NLRP5: variants seen among roughly 807,000 people sequenced by gnomAD.
The protein encoded by NLRP5 is NLR family pyrin domain containing 5.
Under a neutral mutation model 113.1 loss-of-function variants are expected in NLRP5, and 93 were observed. That is an observed-to-expected ratio of 0.82 (90% CI 0.70 to 0.98). The LOEUF is 0.98. Ranked by LOEUF, NLRP5 falls within the 50% of genes least tolerant of loss-of-function variation. The pLI is 0.00. For missense variants in NLRP5, 1,808 were observed against 1,514.3 expected (o/e 1.19, Z -3.22); for synonymous variants, 751 against 600.7 (o/e 1.25, Z -3.66).
chr19:55,995,405 TA>T (rs1981293298), upstream of NLRP5, among the ~76,000 whole-genome samples: 1 of 152,158 alleles, frequency 6.6e-6, no homozygotes. Context: ...AAAAATACAT[TA>T]AAAAAGAAAG....
intron 1 of NLRP5, among the ~76,000 whole-genome samples, chr19:56,001,952 A>C (rs1030567049): frequency 5.3e-4 from 81 of 152,312 alleles, no homozygotes; most frequent in African/African-American, 1.8e-3. Flanking sequence ...GGCTGTCACT[A>C]TTTATAGGGC....
chr19:56,044,490 G>A (rs765246718), intron 11 of NLRP5, among the ~76,000 whole-genome samples: 8 of 152,126 alleles, frequency 5.3e-5, no homozygotes, highest in African/African-American at 1.4e-4. Flanking sequence ...CTCCACTTTA[G>A]GTTTTTGTTT....
At position 56,035,945 on chromosome 19, in the gene NLRP5, G is replaced by A. The variant is rs371464974; in HGVS notation, c.2616-2080G>A. ...GATTCTGCGTATAGTACATGTTCCA[G>A]GGATGTGCTGATGAATGAAACGAGA... On this transcript the variant is annotated intron_variant, in intron 9 of 14. Transcript: ENST00000390649. 4.2e-4 allele frequency among the ~76,000 whole-genome samples: 64 copies of A among 152,150 alleles called. No homozygotes were observed. In the East Asian group the frequency reaches 0.011, roughly 25 times the overall value.
intron 9 of NLRP5, among the ~76,000 whole-genome samples, chr19:56,034,663 G>A (rs574342): frequency 0.099 from 15,045 of 152,104 alleles, 984 homozygotes; most frequent in Non-Finnish European, 0.14. Flanking sequence ...AAGTGAAATC[G>A]GTGTGGTACA....
At chr19:56,054,893 C>T (rs1984072077) in intron 13 of NLRP5, among the ~76,000 whole-genome samples, 1 of 151,664 alleles carries the variant, frequency 6.6e-6, no homozygotes, top group African/African-American at 2.4e-5. Context: ...TGACCATGCA[C>T]TAGTCTTGTA....
chr19:56,037,993 C>G (rs1385596254), intron 9 of NLRP5, 32 bp from the exon 10 acceptor site: 1 of 1,611,686 alleles, frequency 6.2e-7, no homozygotes. Flanking sequence ...TGGACAAGAG[C>G]TGGGATTGCT....
At chr19:56,019,757 C>T (rs2123292413) in intron 5 of NLRP5, among the ~76,000 whole-genome samples, 2 of 152,078 alleles carry the variant, frequency 1.3e-5, no homozygotes, top group South Asian at 4.1e-4. Context: ...TTCCTTCTAT[C>T]AACTAATATG....
intron 9 of NLRP5, among the ~76,000 whole-genome samples, chr19:56,036,551 C>T (rs140387852): frequency 1.8e-3 from 268 of 152,334 alleles, no homozygotes; most frequent in Admixed American, 4.3e-3. Flanking sequence ...TTCCTGCTCT[C>T]ATGGTGCTCA....
intron 3 of NLRP5, among the ~76,000 whole-genome samples, chr19:56,013,023 C>T (rs1982259075): frequency 6.6e-6 from 1 of 152,094 alleles, no homozygotes; most frequent in Admixed American, 6.6e-5. Context: ...ATTTTCATCA[C>T]CCCAGAAAAC....
intron 11 of NLRP5, among the ~76,000 whole-genome samples, chr19:56,046,539 A>G (rs550169807): frequency 6.8e-6 from 1 of 146,276 alleles, no homozygotes; most frequent in East Asian, 2.0e-4. Flanking sequence ...GATTGGTACC[A>G]CTTCTTGTTT....
chr19:56,050,703 G>C (rs1047365035), intron 12 of NLRP5, 115 bp downstream of exon 12: 1 of 996,446 alleles, frequency 1.0e-6, no homozygotes, highest in Non-Finnish European at 1.5e-6. Flanking sequence ...AGGGTGAGCT[G>C]ACACTCATTT....
At chr19:56,014,089 A>G (rs948405365) in intron 3 of NLRP5, among the ~76,000 whole-genome samples, 1 of 152,120 alleles carries the variant, frequency 6.6e-6, no homozygotes, top group African/African-American at 2.4e-5. Flanking sequence ...GTCTTTTCAC[A>G]TTGCTGATAC....
At chr19:56,028,872 C>G (rs1310637773) in intron 7 of NLRP5, among the ~76,000 whole-genome samples, 1 of 152,172 alleles carries the variant, frequency 6.6e-6, no homozygotes, top group East Asian at 1.9e-4. Context: ...TCAAGAGATT[C>G]TCCTGCCTCA....
At chr19:56,054,717 AAGT>A (rs1984065683) in intron 13 of NLRP5, among the ~76,000 whole-genome samples, 1 of 152,110 alleles carries the variant, frequency 6.6e-6, no homozygotes, top group Non-Finnish European at 1.5e-5. Flanking sequence ...TTCGTACATA[AAGT>A]AGAGGGGTTG....
chr19:56,049,831 ATTT>A (rs892247414), intron 11 of NLRP5, among the ~76,000 whole-genome samples: 1 of 151,634 alleles, frequency 6.6e-6, no homozygotes, highest in African/African-American at 2.4e-5. Flanking sequence ...AAGCTCCTGT[ATTT>A]TTTCAGGAAA....
intron 3 of NLRP5, among the ~76,000 whole-genome samples, chr19:56,010,742 C>CAATAAAAAAAAAAAAAAAAAAAA (rs1982151567): frequency 4.8e-5 from 2 of 41,278 alleles, no homozygotes; most frequent in African/African-American, 1.0e-4. Context: ...AACTCTGTCT[C>CAATAAAAAAAAAAAAAAAAAAAA]AAAAAAAAAA....
intron 11 of NLRP5, among the ~76,000 whole-genome samples, chr19:56,048,979 A>ATTTTTTTTTTTTTTTTT (rs60229740): frequency 1.2e-4 from 11 of 94,976 alleles, no homozygotes; most frequent in South Asian, 3.7e-4. Flanking sequence ...TTTTTTTTTA[A>ATTTTTTTTTTTTTTTTT]TTTTTTTTTT....
intron 6 of NLRP5, among the ~76,000 whole-genome samples, chr19:56,021,709 T>C (rs949737199): frequency 2.0e-5 from 3 of 152,222 alleles, no homozygotes; most frequent in Non-Finnish European, 2.9e-5. Context: ...TTTCTTCATC[T>C]GTTGTTCAGT....
chr19:56,041,245 C>T, intron 11 of NLRP5, among the ~76,000 whole-genome samples, 153 bp downstream of exon 11: 1 of 152,260 alleles, frequency 6.6e-6, no homozygotes, highest in Non-Finnish European at 1.5e-5. Context: ...TCCTAGGTTT[C>T]ATCCTTTCTT....
Sources: allele counts gnomAD v4.1 joint callset (sites outside exome capture counted in the v4.1 genomes callset), GRCh38; gene constraint gnomAD v4.1.1; transcripts MANE v1.5; gene names NCBI Gene and HGNC (gene_info 2026-07-23, HGNC 2026-07-21).